The following TBC1D16 variants were observed in gnomAD, a reference collection of about 807,000 sequenced individuals.
TBC1D16 encodes the protein TBC1 domain family member 16.
TBC1D16 carries 58 observed loss-of-function variants against 74.7 expected under a neutral mutation model. The observed-to-expected ratio is 0.78, with a 90% CI of 0.63 to 0.97. The LOEUF (loss-of-function observed/expected upper bound fraction) is 0.97, where lower values mean the gene tolerates loss of function less well. TBC1D16 is among the 50% of genes least tolerant of loss of function. TBC1D16 has a pLI of 0.00. For missense variants in TBC1D16, 1,014 were observed against 1,079.5 expected (o/e 0.94, Z 0.85); for synonymous variants, 493 against 474.7 (o/e 1.04, Z -0.50).
At chr17:80,025,015 C>A (rs1568649588) in intron 1 of TBC1D16, among the ~76,000 whole-genome samples, 23 of 18,230 alleles carry the variant, frequency 1.3e-3, no homozygotes, top group South Asian at 2.6e-3. Context: ...TAGACACACA[C>A]ACACACCACA....
chr17:79,950,583 A>G lies in TBC1D16; in HGVS notation c.1090-5T>C, dbSNP rs2032976099. 1 of 1,610,582 alleles carries G rather than the reference A, an allele frequency of 6.2e-7. No homozygotes were observed. Among genetic ancestry groups the G allele is most frequent in the East Asian group, 2.2e-5 (1 of 44,830 alleles). On this transcript the variant is annotated splice_region_variant and splice_polypyrimidine_tract_variant and intron_variant, in intron 5 of 11. Transcript: ENST00000310924. This position sits in a 1 kb window ranked among gnomAD's most constrained non-coding sequence, Gnocchi z 4.6. ...TGTCTTATCGGGGGCGACCTGCTGGACGGGAGGAAAACTGGGCAAAGGTCA... is the reference window on the plus strand; with the variant it reads ...TGTCTTATCGGGGGCGACCTGCTGGGCGGGAGGAAAACTGGGCAAAGGTCA...
At chr17:79,977,906 G>A (rs770438784) in intron 3 of TBC1D16, among the ~76,000 whole-genome samples, 1 of 152,230 alleles carries the variant, frequency 6.6e-6, no homozygotes, top group Non-Finnish European at 1.5e-5. Flanking sequence ...ATAAAGCCTC[G>A]GCGACTGCGG....
At position 79,994,912 on chromosome 17, in the gene TBC1D16, C is replaced by T. The variant is rs1177696705; in HGVS notation, c.779+15248G>A. Among the ~76,000 whole-genome samples the T allele has an allele frequency of 1.3e-5, 2 of 152,214 alleles. No individual in the cohort carries two copies. The highest frequency in any genetic ancestry group is 2.9e-5 in the Non-Finnish European group (2 of 68,030). On this transcript the variant is annotated intron_variant, in intron 3 of 11. Transcript: ENST00000310924. The surrounding 1 kb of genome is among the most constrained non-coding windows in gnomAD (Gnocchi z 4.6). ...CCCATCGGCGGCCGTGTATACTGAT[C>T]CCACATTGGAATGATACTATTTTGA... is the stretch of plus-strand genomic sequence containing the variant.
In TBC1D16 at chr17:79,950,445, A is replaced by G. The variant is rs1361233576; in HGVS notation, c.1223T>C (p.Leu408Pro). ...VSAWLNHLNELGQVEEEYKLR... is the reference protein window; with the variant it reads ...VSAWLNHLNEPGQVEEEYKLR... ...CTTGTACTCCTCCTCCACCTGGCCC[A>G]GCTCATTCAGGTGGTTGAGCCAGGC... Residue 408 changes from leucine (L) to proline (P), a missense_variant, in exon 6 of 12, where the codon CTG (leucine) becomes CCG (proline). Leu to Pro is a moderately conservative substitution (Grantham distance 98, BLOSUM62 -3). Transcript: ENST00000310924. This position sits in a 1 kb window ranked among gnomAD's most constrained non-coding sequence, Gnocchi z 4.6. The G allele has an allele frequency of 1.2e-6, 2 of 1,612,590 alleles. No homozygotes were observed. The highest frequency in any genetic ancestry group is 1.7e-6 in the Non-Finnish European group (2 of 1,179,820).
chr17:79,956,990 G>A lies in TBC1D16; in HGVS notation c.780-4172C>T, dbSNP rs2033367871. 6.6e-6 allele frequency among the ~76,000 whole-genome samples: 1 copy of A among 152,214 alleles called. No homozygotes were observed. The highest frequency in any genetic ancestry group is 1.5e-5 in the Non-Finnish European group (1 of 68,028). On this transcript the variant is annotated intron_variant, in intron 3 of 11. Coordinates refer to ENST00000310924, the MANE Select transcript of TBC1D16 (RefSeq NM_019020.4). This position sits in a 1 kb window ranked among gnomAD's most constrained non-coding sequence, Gnocchi z 4.0. ...TCTTGCCTAGATAGAAACTGGCACT[G>A]GCCCTCCAGGGGACCAGTCTTCTGT...
intron 9 of TBC1D16, 146 bp downstream of exon 9, chr17:79,947,499 C>T: frequency 1.2e-6 from 1 of 863,144 alleles, no homozygotes; most frequent in Non-Finnish European, 1.8e-6. Context: ...GCCCATATCC[C>T]ACGGGCAAGT....
At chr17:79,998,513 A>AT in intron 3 of TBC1D16, among the ~76,000 whole-genome samples, 1 of 144,244 alleles carries the variant, frequency 6.9e-6, no homozygotes. Flanking sequence ...TTATTATTAT[A>AT]ATTTTTTTTT....
chr17:80,018,197 G>C (rs1182886984), intron 1 of TBC1D16, among the ~76,000 whole-genome samples: 4 of 148,566 alleles, frequency 2.7e-5, no homozygotes, highest in African/African-American at 5.0e-5. Context: ...AAAAAAAAGT[G>C]AAATTAATTT....
rs150349091 is a variant in TBC1D16 at position 80,023,661 on chromosome 17, C to CG, written c.-62-10053_-62-10052insC. ...AGGAGCGAGAACTGCTGCCGGGCCC[C>CG]CCCCCACCGGCTCAGGGCGTGGCTG... On this transcript the variant is annotated intron_variant, in intron 1 of 11. Transcript: ENST00000310924. Among the ~76,000 whole-genome samples the CG allele has an allele frequency of 5.0e-4, 72 of 144,366 alleles. 2 individuals carry two copies. Among genetic ancestry groups the CG allele is most frequent in the East Asian group, 4.7e-3 (24 of 5,074 alleles). The allele number at this position is 144,366 out of a possible 152,430, so 94.7% of individuals were successfully genotyped here.
At chr17:80,014,929 A>T (rs1432213409) in intron 1 of TBC1D16, among the ~76,000 whole-genome samples, 1 of 152,186 alleles carries the variant, frequency 6.6e-6, no homozygotes, top group Non-Finnish European at 1.5e-5. Context: ...ATGTATATAT[A>T]ATGCGCTGTG....
In TBC1D16 at chr17:79,981,908, C is replaced by T. The variant is rs995595254; in HGVS notation, c.779+28252G>A. ...CGCGGCCCTCCGGGGCTTCCCTGTG[C>T]GCACACACACACGCACACACACACA... On this transcript the variant is annotated intron_variant, in intron 3 of 11. Coordinates refer to ENST00000310924, the MANE Select transcript of TBC1D16 (RefSeq NM_019020.4). The surrounding 1 kb of genome is among the most constrained non-coding windows in gnomAD (Gnocchi z 6.9). 4.6e-5 allele frequency among the ~76,000 whole-genome samples: 7 copies of T among 152,160 alleles called. No individual in the cohort carries two copies. Among genetic ancestry groups the T allele is most frequent in the Admixed American group, 2.6e-4 (4 of 15,284 alleles).
intron 1 of TBC1D16, among the ~76,000 whole-genome samples, chr17:80,025,101 TA>T (rs2036519880): frequency 1.2e-5 from 1 of 80,416 alleles, no homozygotes; most frequent in African/African-American, 6.2e-5. Context: ...ACACACACCA[TA>T]TACACACAAA....
chr17:80,022,997 A>C (rs749996647), intron 1 of TBC1D16, among the ~76,000 whole-genome samples: 1 of 149,958 alleles, frequency 6.7e-6, no homozygotes, highest in East Asian at 1.9e-4. Context: ...CGTGACCCGG[A>C]GGCCTATGTG....
intron 1 of TBC1D16, among the ~76,000 whole-genome samples, chr17:80,027,183 TG>T (rs2036607347): frequency 6.6e-6 from 1 of 152,184 alleles, no homozygotes; most frequent in South Asian, 2.1e-4. Context: ...CTGAGGAGGC[TG>T]GGCACGGTAG....
At chr17:79,959,079 A>T (rs1598349722) in intron 3 of TBC1D16, among the ~76,000 whole-genome samples, 1 of 152,264 alleles carries the variant, frequency 6.6e-6, no homozygotes, top group African/African-American at 2.4e-5. Context: ...GAGAAAAATT[A>T]ATTGTATTCT....
Position 80,025,630 on chromosome 17 carries a change from C to CA in TBC1D16, c.-63+10164_-63+10165insT, listed in dbSNP as rs201208935. Among the ~76,000 whole-genome samples the CA allele has an allele frequency of 7.0e-5, 10 of 142,460 alleles. 1 individual carries two copies. In the South Asian group the frequency reaches 7.2e-4, roughly 10 times the overall value. The allele number at this position is 142,460 out of a possible 152,430, so 93.5% of individuals were successfully genotyped here. ...TGGAAGCACCCCCCTGCCAGGAGCCCCCCACCCCCACCCAGGAGCACCCTC... is the reference window on the plus strand; with the variant it reads ...TGGAAGCACCCCCCTGCCAGGAGCCCACCCACCCCCACCCAGGAGCACCCTC... On this transcript the variant is annotated intron_variant, in intron 1 of 11. Coordinates refer to ENST00000310924, the MANE Select transcript of TBC1D16 (RefSeq NM_019020.4).
chr17:79,988,996 G>A lies in TBC1D16; in HGVS notation c.779+21164C>T, dbSNP rs907429516. Among the ~76,000 whole-genome samples, 7 of 152,114 alleles carry A rather than the reference G, an allele frequency of 4.6e-5. No homozygotes were observed. The highest frequency in any genetic ancestry group is 1.4e-4 in the African/African-American group (6 of 41,402). ...GCCTTTCATCAGTAAAAGAGAAAACGGCTTCTCCAAAGGAAGTTTCTTAAC... is the reference window on the plus strand; with the variant it reads ...GCCTTTCATCAGTAAAAGAGAAAACAGCTTCTCCAAAGGAAGTTTCTTAAC... On this transcript the variant is annotated intron_variant, in intron 3 of 11. Transcript: ENST00000310924. This position sits in a 1 kb window ranked among gnomAD's most constrained non-coding sequence, Gnocchi z 5.7.
At chr17:80,031,384 G>A (rs955062720) in intron 1 of TBC1D16, among the ~76,000 whole-genome samples, 9 of 152,196 alleles carry the variant, frequency 5.9e-5, no homozygotes, top group African/African-American at 1.7e-4. Context: ...AAGCGAGAAC[G>A]GGACATCAAG....
chr17:79,976,322 T>C (rs1440362346), intron 3 of TBC1D16, among the ~76,000 whole-genome samples: 1 of 152,212 alleles, frequency 6.6e-6, no homozygotes, highest in African/African-American at 2.4e-5. Flanking sequence ...TTAGCCTCTG[T>C]TATGTTTTAA....
Sources: gnomAD v4.1 joint callset for allele counts (sites outside exome capture counted in the v4.1 genomes callset) on GRCh38, gnomAD v4.1.1 for gene constraint, Gnocchi (gnomAD v3.1) non-coding constraint, MANE v1.5 for transcripts, NCBI Gene and HGNC (gene_info 2026-07-23, HGNC 2026-07-21) for gene names.